Variants in RAB31 observed in about 807,000 individuals in gnomAD.
RAB31 encodes the protein ras-related protein Rab-31.
RAB31 carries 21 observed loss-of-function variants against 25.6 expected under a neutral mutation model. That is an observed-to-expected ratio of 0.82 (90% confidence interval 0.58 to 1.18). The LOEUF is 1.18. Ranked by LOEUF, RAB31 falls within the 50% of genes most tolerant of loss-of-function variation. The probability of loss-of-function intolerance (pLI) is 0.00; values close to 1 mark genes in which losing one functional copy is unlikely to be tolerated. For missense variants in RAB31, 196 were observed against 250.1 expected (o/e 0.78, Z 1.46); for synonymous variants, 87 against 84.0 (o/e 1.04, Z -0.20).
Position 9,714,140 on chromosome 18 carries a change from A to C in RAB31, c.39+5696A>C, listed in dbSNP as rs138629319. Among the ~76,000 whole-genome samples the C allele has an allele frequency of 1.4e-3, 216 of 152,356 alleles. 1 individual carries two copies. Among genetic ancestry groups the C allele is most frequent in the African/African-American group, 5.0e-3 (208 of 41,592 alleles). On this transcript the variant is annotated intron_variant, in intron 1 of 6. Coordinates refer to ENST00000578921, the MANE Select transcript of RAB31 (RefSeq NM_006868.4). The stretch of plus-strand genomic sequence containing the variant: ...TGATATATCCTTTAGGTCTGCTCTA[A>C]GGCCACAGCCATGAGAAAATAGGAA...
rs576273886 is a variant in RAB31, at chr18:9,749,144, CT to C, written c.40-26130del. On this transcript the variant is annotated intron_variant, in intron 1 of 6. Transcript: ENST00000578921. ...TTTTTCACTTGATATACCTTGAAGC[CT>C]TTTCCACACGTATCAGCACCTAAGG... Among the ~76,000 whole-genome samples the C allele has an allele frequency of 1.0e-3, 152 of 152,314 alleles. 1 individual carries two copies. The highest frequency in any genetic ancestry group is 3.5e-3 in the African/African-American group (146 of 41,568).
At chr18:9,802,584 C>G (rs569586423) in intron 3 of RAB31, among the ~76,000 whole-genome samples, 19 of 152,328 alleles carry the variant, frequency 1.2e-4, no homozygotes, top group African/African-American at 3.8e-4. Context: ...CCTCCAGGAG[C>G]CCACGGTTTA....
At chr18:9,776,027 C>T (rs1433571796) in intron 2 of RAB31, among the ~76,000 whole-genome samples, 1 of 152,152 alleles carries the variant, frequency 6.6e-6, no homozygotes, top group Non-Finnish European at 1.5e-5. Context: ...TGACTGAAAG[C>T]AGTCCACCTG....
intron 2 of RAB31, among the ~76,000 whole-genome samples, chr18:9,790,394 T>TA (rs527305728): frequency 1.1e-3 from 147 of 135,746 alleles, no homozygotes; most frequent in Middle Eastern, 7.9e-3. Context: ...TCAGCTGATT[T>TA]AAAAAAAAAA....
At position 9,860,535 on chromosome 18, in the gene RAB31, A is replaced by G. The variant is rs2143162824; in HGVS notation, c.*1210A>G. ...ATCCAAAGGAAGTCAAGGAAGAAAA[A>G]GCATGGAAAGGAAGAGAACTGATTC... On this transcript the variant is annotated 3_prime_UTR_variant, in exon 7 of 7. Coordinates refer to ENST00000578921, the MANE Select transcript of RAB31 (RefSeq NM_006868.4). The G allele has an allele frequency of 6.6e-6, 1 of 152,326 alleles. No homozygotes were observed. The highest frequency in any genetic ancestry group is 1.5e-5 in the Non-Finnish European group (1 of 68,032). 9.4% of individuals were successfully genotyped at this position (152,326 alleles called of 1,614,324 possible). A position where few individuals can be genotyped will look rare whatever the true frequency, so the allele number is the denominator to read the frequency against.
intron 5 of RAB31, among the ~76,000 whole-genome samples, chr18:9,840,596 A>G (rs1284202190): frequency 6.6e-6 from 1 of 152,194 alleles, no homozygotes; most frequent in Non-Finnish European, 1.5e-5. Flanking sequence ...TTGTAGTCAC[A>G]CCATTTGTTC....
intron 5 of RAB31, among the ~76,000 whole-genome samples, chr18:9,829,154 G>T (rs1368503503): frequency 6.6e-6 from 1 of 152,206 alleles, no homozygotes; most frequent in Non-Finnish European, 1.5e-5. Context: ...GTGTAAGTGT[G>T]CCACAGAGAA....
At chr18:9,790,032 G>A (rs1029971316) in intron 2 of RAB31, among the ~76,000 whole-genome samples, 1 of 152,102 alleles carries the variant, frequency 6.6e-6, no homozygotes, top group Admixed American at 6.6e-5. Flanking sequence ...ATGAATGCTA[G>A]TTGACCAGGC....
At chr18:9,791,117 A>G (rs1393206249) in intron 2 of RAB31, among the ~76,000 whole-genome samples, 1 of 152,204 alleles carries the variant, frequency 6.6e-6, no homozygotes, top group Non-Finnish European at 1.5e-5. Flanking sequence ...TAAGCTGCCA[A>G]TCATCGTCCT....
intron 1 of RAB31, among the ~76,000 whole-genome samples, chr18:9,716,954 T>C (rs2068047982): frequency 8.7e-6 from 1 of 114,508 alleles, no homozygotes; most frequent in East Asian, 2.2e-4. Flanking sequence ...AGAGATGGGG[T>C]CTTGCTGTGT....
intron 1 of RAB31, among the ~76,000 whole-genome samples, chr18:9,774,689 T>C (rs1599033237): frequency 6.6e-6 from 1 of 152,300 alleles, no homozygotes; most frequent in East Asian, 1.9e-4. Flanking sequence ...CAGTGTGTAA[T>C]TGGACCCTCG....
chr18:9,787,560 A>G (rs1403265546), intron 2 of RAB31: 3 of 186,864 alleles, frequency 1.6e-5, no homozygotes, highest in Admixed American at 5.4e-5. Context: ...TGCAGTCAGC[A>G]CTTACCATCA....
rs145280460 is a variant in RAB31, at chr18:9,722,196, G to C, written c.39+13752G>C. On this transcript the variant is annotated intron_variant, in intron 1 of 6. Transcript: ENST00000578921. Reference sequence around the variant, plus strand: ...CATTTCCTTGGAATCAAGTGAGAGAGCTTGCTAAGGTTTTGGTACAGAGCA... The same window carrying C: ...CATTTCCTTGGAATCAAGTGAGAGACCTTGCTAAGGTTTTGGTACAGAGCA... Among the ~76,000 whole-genome samples the C allele has an allele frequency of 2.5e-3, 374 of 152,304 alleles. 6 individuals carry two copies. The highest frequency in any genetic ancestry group is 8.6e-3 in the African/African-American group (359 of 41,558).
intron 3 of RAB31, among the ~76,000 whole-genome samples, chr18:9,800,364 A>G (rs1221259926): frequency 6.6e-6 from 1 of 152,108 alleles, no homozygotes; most frequent in African/African-American, 2.4e-5. Flanking sequence ...ACAGTTCATG[A>G]CGTTCCAACA....
chr18:9,808,952 A>C (rs1458046813), intron 3 of RAB31, among the ~76,000 whole-genome samples: 1 of 152,240 alleles, frequency 6.6e-6, no homozygotes, highest in Non-Finnish European at 1.5e-5. Flanking sequence ...ACAAACCTGC[A>C]TTTAAGGAAT....
rs1481190813 is a variant in RAB31, at chr18:9,857,663, A to AGATAGAT, written c.491-1564_491-1558dup. Among the ~76,000 whole-genome samples the AGATAGAT allele has an allele frequency of 1.8e-4, 22 of 125,546 alleles. 1 individual carries two copies. Among genetic ancestry groups the AGATAGAT allele is most frequent in the Admixed American group, 1.6e-3 (22 of 13,336 alleles). 82.4% of individuals were successfully genotyped at this position (125,546 alleles called of 152,430 possible). ...AATATAGATAGATAGATAGATAGAT[A>AGATAGAT]GATAGATAGATAGATAGATAGATGA... On this transcript the variant is annotated intron_variant, in intron 6 of 6. Coordinates refer to ENST00000578921, the MANE Select transcript of RAB31 (RefSeq NM_006868.4).
intron 1 of RAB31, among the ~76,000 whole-genome samples, chr18:9,763,600 T>TTATATATATA (rs57545209): frequency 1.5e-4 from 21 of 141,702 alleles, no homozygotes; most frequent in African/African-American, 4.4e-4. Context: ...AAGAAAAAAA[T>TTATATATATA]TATATATATA....
At chr18:9,822,573 A>G (rs539041539) in intron 5 of RAB31, among the ~76,000 whole-genome samples, 2 of 152,200 alleles carry the variant, frequency 1.3e-5, no homozygotes, top group African/African-American at 4.8e-5. Context: ...CTATATATCT[A>G]TAAGGGACTA....
intron 1 of RAB31, among the ~76,000 whole-genome samples, chr18:9,734,109 A>AGGGAGGGG (rs2068137813): frequency 9.4e-5 from 1 of 10,678 alleles, no homozygotes. Context: ...GGGAGGAGGG[A>AGGGAGGGG]GGGAGGGAGG....
Sources: gnomAD v4.1 joint callset for allele counts (sites outside exome capture counted in the v4.1 genomes callset) on GRCh38, gnomAD v4.1.1 for gene constraint, MANE v1.5 for transcripts, NCBI Gene and HGNC (gene_info 2026-07-23, HGNC 2026-07-21) for gene names.